AGMO: variants seen among roughly 807,000 people sequenced by gnomAD.
AGMO encodes alkylglycerol monooxygenase.
A neutral mutation model predicts 60.2 loss-of-function variants in AGMO; 75 were observed. The observed-to-expected ratio is 1.25, with a 90% CI of 1.03 to 1.51. AGMO has a LOEUF of 1.51. AGMO is among the 40% of genes most tolerant of loss of function. The pLI is 0.00. For synonymous variants in AGMO, 261 were observed against 177.1 expected (o/e 1.47, Z -3.76); for missense variants, 763 against 525.5 (o/e 1.45, Z -4.42).
At chr7:15,186,879 C>T in the AGMO span, among the ~76,000 whole-genome samples, 5 of 152,008 alleles carry the variant, frequency 3.3e-5, no homozygotes, top group Non-Finnish European at 7.4e-5. Context: ...CTAATGTGTC[C>T]GTAGACTTCC....
intron 2 of AGMO, among the ~76,000 whole-genome samples, chr7:15,552,165 C>A (rs1253574429): frequency 6.6e-6 from 1 of 152,036 alleles, no homozygotes; most frequent in Non-Finnish European, 1.5e-5. Flanking sequence ...ATACAAAAAT[C>A]AATTCAAGAT....
chr7:15,196,898 C>A (rs976216691), downstream of AGMO, among the ~76,000 whole-genome samples: 4 of 152,122 alleles, frequency 2.6e-5, no homozygotes, highest in Non-Finnish European at 5.9e-5. Flanking sequence ...AAAGAAGGCA[C>A]AATCTGCAAG....
At position 15,304,871 on chromosome 7, in the gene AGMO, A is replaced by T. The variant is rs370168262; in HGVS notation, c.1263+60643T>A. On this transcript the variant is annotated intron_variant, in intron 12 of 12. Transcript: ENST00000342526. ...ATTATTATTCTTTCAGTTACACACA[A>T]TGTTTAAGAAGAAAGTCAACTATAA... 4.6e-5 allele frequency among the ~76,000 whole-genome samples: 7 copies of T among 152,050 alleles called. No individual in the cohort carries two copies. The East Asian group carries it at 7.8e-4, about 17-fold the overall frequency.
chr7:15,201,341 T>G lies in AGMO; in HGVS notation c.1282A>C (p.Ile428Leu), dbSNP rs141940393. The change falls in exon 13 of 13, where the codon ATT becomes CTT. Residue 428 changes from isoleucine (I) to leucine (L), a missense_variant. Physicochemically the swap from Ile to Leu is conservative, Grantham distance 5. Transcript: ENST00000342526. ...ATGCTTCTAACTCCCCAGAAAGCAA[T>G]GCAAATGGAAAAAACAATCTGAAGA... ...SAFEIVFSIC[I>L]AFWGVRSMKQ... The G allele has an allele frequency of 3.7e-6, 6 of 1,611,488 alleles. No individual in the cohort carries two copies. In the African/African-American group the frequency reaches 8.0e-5, roughly 22 times the overall value.
At chr7:15,434,248 T>C (rs1781335583) in intron 3 of AGMO, among the ~76,000 whole-genome samples, 1 of 152,064 alleles carries the variant, frequency 6.6e-6, no homozygotes, top group Non-Finnish European at 1.5e-5. Context: ...GAAATATGAA[T>C]CACTGAGGTC....
intron 3 of AGMO, among the ~76,000 whole-genome samples, chr7:15,434,238 G>A (rs1781335468): frequency 6.6e-6 from 1 of 152,084 alleles, no homozygotes; most frequent in African/African-American, 2.4e-5. Context: ...GAATGTGGGA[G>A]AAATATGAAT....
the AGMO span, among the ~76,000 whole-genome samples, chr7:15,179,502 C>T: frequency 6.6e-6 from 1 of 152,136 alleles, no homozygotes; most frequent in Non-Finnish European, 1.5e-5. Context: ...TCTTAGAGCT[C>T]CATTTCCTAA....
intron 3 of AGMO, among the ~76,000 whole-genome samples, chr7:15,443,191 G>A (rs1211285880): frequency 1.3e-5 from 2 of 152,284 alleles, no homozygotes; most frequent in East Asian, 3.9e-4. Flanking sequence ...ATGAGGCCGG[G>A]GGTCTAAATG....
intron 3 of AGMO, among the ~76,000 whole-genome samples, chr7:15,524,055 G>A (rs938084141): frequency 7.2e-5 from 11 of 151,896 alleles, no homozygotes; most frequent in African/African-American, 2.7e-4. Context: ...TGATATTTTT[G>A]TTGTGTATGT....
intron 10 of AGMO, among the ~76,000 whole-genome samples, chr7:15,381,896 T>C (rs1487073474): frequency 2.6e-5 from 4 of 152,132 alleles, no homozygotes; most frequent in Non-Finnish European, 4.4e-5. Flanking sequence ...CTGGAGGCCA[T>C]TATCCTTAGC....
intron 3 of AGMO, among the ~76,000 whole-genome samples, chr7:15,507,747 T>A (rs1218304911): frequency 1.3e-5 from 2 of 151,988 alleles, no homozygotes; most frequent in Non-Finnish European, 2.9e-5. Context: ...TTTTTACAGA[T>A]CAGTCAAGTG....
chr7:15,395,254 G>A lies in AGMO; in HGVS notation c.610-1075C>T, dbSNP rs74932071. 6.6e-5 allele frequency among the ~76,000 whole-genome samples: 10 copies of A among 152,212 alleles called. No homozygotes were observed. In the East Asian group the frequency reaches 7.7e-4, roughly 12 times the overall value. Reference sequence around the variant, plus strand: ...AATAAAGAAATGAGTTAAATGATGCGAAAGGGCAAAATAGTCACTGACAAT... The same window carrying A: ...AATAAAGAAATGAGTTAAATGATGCAAAAGGGCAAAATAGTCACTGACAAT... On this transcript the variant is annotated intron_variant, in intron 5 of 12. Transcript: ENST00000342526.
At chr7:15,194,065 C>T in the AGMO span, among the ~76,000 whole-genome samples, 1 of 152,162 alleles carries the variant, frequency 6.6e-6, no homozygotes, top group African/African-American at 2.4e-5. Flanking sequence ...TGTATTACTA[C>T]ACTTATCCAC....
chr7:15,289,196 C>CT (rs1177380254), intron 12 of AGMO, among the ~76,000 whole-genome samples: 7 of 151,660 alleles, frequency 4.6e-5, no homozygotes, highest in Non-Finnish European at 1.0e-4. Context: ...AAAATATTTG[C>CT]TTTTTGTTTT....
rs1450978737 is a variant in AGMO, at chr7:15,366,220, T to G, written c.1077A>C (p.Ala359=). ...TCAGAAGGAGAGTAACTTGCGACAG[T>G]GCCTGTCAAACAAACACGGAGATCA... ...FYEETFADTA[A]LSQVTLLLRV... is the part of the protein sequence containing the mutation. Residue 359 remains alanine, a splice_region_variant and synonymous_variant, in exon 11 of 13, where the codon GCA becomes GCC. Transcript: ENST00000342526. The G allele has an allele frequency of 6.2e-7, 1 of 1,602,130 alleles. No individual in the cohort carries two copies. Among genetic ancestry groups the G allele is most frequent in the Non-Finnish European group, 8.5e-7 (1 of 1,173,476 alleles).
At chr7:15,234,612 T>C (rs923069695) in intron 12 of AGMO, among the ~76,000 whole-genome samples, 7 of 152,176 alleles carry the variant, frequency 4.6e-5, no homozygotes, top group African/African-American at 1.7e-4. Flanking sequence ...TCAGCAACAT[T>C]TTTCTGAAAA....
intron 12 of AGMO, among the ~76,000 whole-genome samples, chr7:15,263,829 C>T (rs1783352377): frequency 2.0e-5 from 3 of 152,200 alleles, no homozygotes; most frequent in South Asian, 2.1e-4. Flanking sequence ...AACCAAACAT[C>T]GTATGTTCTC....
At chr7:15,442,380 C>A (rs11977803) in intron 3 of AGMO, among the ~76,000 whole-genome samples, 54,603 of 151,750 alleles carry the variant, frequency 0.36, 11,059 homozygotes, top group Non-Finnish European at 0.48. Flanking sequence ...TCAGGTCTTG[C>A]TACAACAGGA....
intron 3 of AGMO, among the ~76,000 whole-genome samples, chr7:15,447,621 G>A: frequency 6.6e-6 from 1 of 151,970 alleles, no homozygotes; most frequent in East Asian, 1.9e-4. Context: ...CACGATCTTG[G>A]CTCACTGCAA....
Sources: gnomAD v4.1 joint callset for allele counts (sites outside exome capture counted in the v4.1 genomes callset) on GRCh38, gnomAD v4.1.1 for gene constraint, MANE v1.5 for transcripts, NCBI Gene and HGNC (gene_info 2026-07-23, HGNC 2026-07-21) for gene names.